Variants in CHODL observed in about 807,000 individuals in gnomAD.
CHODL encodes chondrolectin.
CHODL carries 29 observed loss-of-function variants against 34.5 expected under a neutral mutation model. That is an observed-to-expected ratio of 0.84 (90% CI 0.63 to 1.15). CHODL has a LOEUF of 1.15. Ranked by LOEUF, CHODL falls within the 50% of genes most tolerant of loss-of-function variation. The pLI is 0.00. For synonymous variants in CHODL, 125 were observed against 116.1 expected (o/e 1.08, Z -0.49); for missense variants, 332 against 332.5 (o/e 1.00, Z 0.01).
chr21:18,224,644 G>A lies in CHODL; in HGVS notation c.-44-31865G>A, dbSNP rs917533935. ...TTAGTATAGAGCTTATTCCTCTTGG[G>A]AATGGGAATATGGATTTATGTGTTC... On this transcript the variant is annotated intron_variant, in intron 2 of 6. Coordinates refer to the CHODL transcript ENST00000400127. 2.0e-5 allele frequency among the ~76,000 whole-genome samples: 3 copies of A among 152,166 alleles called. No homozygotes were observed. The South Asian group carries it at 6.2e-4, about 32-fold the overall frequency.
chr21:18,090,286 G>T (rs2065056238), intron 2 of CHODL, among the ~76,000 whole-genome samples: 2 of 152,174 alleles, frequency 1.3e-5, no homozygotes, highest in Non-Finnish European at 2.9e-5. Context: ...TACCTAGAGT[G>T]GATAATATGT....
chr21:18,216,696 A>G (rs891895868), intron 2 of CHODL, among the ~76,000 whole-genome samples: 2 of 152,240 alleles, frequency 1.3e-5, no homozygotes, highest in African/African-American at 4.8e-5. Context: ...TCACAGTTCC[A>G]CATGGCTGGG....
At chr21:18,262,009 A>G (rs1319823267) in intron 4 of CHODL, among the ~76,000 whole-genome samples, 2 of 151,760 alleles carry the variant, frequency 1.3e-5, no homozygotes, top group African/African-American at 2.4e-5. Flanking sequence ...ATATATTTAC[A>G]ATAATCTTAA....
At chr21:18,095,649 T>C (rs776707792) in intron 2 of CHODL, among the ~76,000 whole-genome samples, 2 of 152,166 alleles carry the variant, frequency 1.3e-5, no homozygotes, top group Non-Finnish European at 2.9e-5. Flanking sequence ...TCCAAACTCA[T>C]TCTACAAGGC....
rs377136061 is a variant in CHODL at position 17,938,499 on chromosome 21, A to T, written c.-145+21099A>T. Among the ~76,000 whole-genome samples the T allele has an allele frequency of 2.1e-5, 2 of 95,602 alleles. 1 individual carries two copies. Among genetic ancestry groups the T allele is most frequent in the Non-Finnish European group, 4.0e-5 (2 of 49,598 alleles). The allele number at this position is 95,602 out of a possible 152,430, so 62.7% of individuals were successfully genotyped here. ...TTTTTTTTTTTTTTTTTTTTAAGGA[A>T]AGGGAGTCTCGCTCCATCGCCCAGG... On this transcript the variant is annotated intron_variant, in intron 1 of 6. Transcript: ENST00000400127.
At chr21:18,120,255 C>T (rs2065463779) in intron 2 of CHODL, among the ~76,000 whole-genome samples, 1 of 152,066 alleles carries the variant, frequency 6.6e-6, no homozygotes, top group Admixed American at 6.6e-5. Context: ...AATCATAAAC[C>T]ATGTATGTTA....
intron 5 of CHODL, among the ~76,000 whole-genome samples, chr21:18,264,601 CAAAAAAAAAA>C (rs564344974): frequency 2.9e-5 from 2 of 68,840 alleles, no homozygotes; most frequent in East Asian, 5.8e-4. Flanking sequence ...GGGTCTGTCT[CAAAAAAAAAA>C]AAAAAAAAAA....
chr21:17,924,022 C>T (rs73208392), intron 1 of CHODL, among the ~76,000 whole-genome samples: 8,738 of 152,174 alleles, frequency 0.057, 354 homozygotes, highest in Non-Finnish European at 0.09. Flanking sequence ...TGTTGAGGAA[C>T]GTGAGGGTCT....
rs753281252 is a variant in CHODL at position 18,256,648 on chromosome 21, T to C, written c.219T>C (p.Asn73=). The C allele has an allele frequency of 3.7e-6, 6 of 1,614,082 alleles. No homozygotes were observed. The highest frequency in any genetic ancestry group is 1.6e-4 in the Middle Eastern group (1 of 6,062). ...SEGGVLLSLE[N]EAEQKLIESM... is the part of the protein sequence containing the mutation. ...GAGGAGTCCTCCTCAGCCTTGAGAA[T>C]GAAGCAGAACAGAAGTTAATAGAGA... Residue 73 remains asparagine (N), a synonymous_variant, in exon 2 of 6, where the codon AAT becomes AAC. Coordinates refer to ENST00000299295, the MANE Select transcript of CHODL (RefSeq NM_024944.3).
chr21:18,033,123 G>A (rs2064267320), intron 2 of CHODL, among the ~76,000 whole-genome samples: 2 of 152,016 alleles, frequency 1.3e-5, no homozygotes, highest in Non-Finnish European at 2.9e-5. Flanking sequence ...GGTTAGGGAA[G>A]GCTGAACTGA....
At chr21:18,022,186 A>G (rs944273208) in intron 1 of CHODL, among the ~76,000 whole-genome samples, 81 of 152,310 alleles carry the variant, frequency 5.3e-4, no homozygotes, top group Non-Finnish European at 9.8e-4. Context: ...ATCTAAAATC[A>G]TGGTGTCAGC....
At chr21:18,129,153 AATG>A (rs1180646128) in intron 2 of CHODL, among the ~76,000 whole-genome samples, 10 of 151,848 alleles carry the variant, frequency 6.6e-5, no homozygotes, top group South Asian at 2.1e-4. Flanking sequence ...TAATGATAAA[AATG>A]ATGATGGGTT....
intron 1 of CHODL, among the ~76,000 whole-genome samples, chr21:17,951,828 A>G (rs1021431047): frequency 3.3e-5 from 5 of 152,244 alleles, no homozygotes; most frequent in Admixed American, 6.5e-5. Context: ...CAGAGCCTCA[A>G]TGAGCTGTGG....
chr21:18,143,132 A>G (rs2072822537), intron 2 of CHODL, among the ~76,000 whole-genome samples: 1 of 152,192 alleles, frequency 6.6e-6, no homozygotes, highest in East Asian at 1.9e-4. Flanking sequence ...AGAGGGAAAC[A>G]CTCTGTAAAT....
chr21:18,019,518 A>T (rs1189676322), intron 1 of CHODL, among the ~76,000 whole-genome samples: 1 of 152,152 alleles, frequency 6.6e-6, no homozygotes, highest in African/African-American at 2.4e-5. Context: ...TAAGATGATG[A>T]GTACCTCCAT....
chr21:18,165,758 T>C (rs1284275631), intron 2 of CHODL, among the ~76,000 whole-genome samples: 4 of 152,176 alleles, frequency 2.6e-5, no homozygotes, highest in Non-Finnish European at 5.9e-5. Context: ...GCAGGGTAAA[T>C]AATCTCCACC....
At chr21:18,043,785 T>C (rs2064406287) in intron 2 of CHODL, among the ~76,000 whole-genome samples, 1 of 151,324 alleles carries the variant, frequency 6.6e-6, no homozygotes, top group African/African-American at 2.4e-5. Flanking sequence ...GAAAAAGAGG[T>C]TTAATGGACC....
chr21:18,093,241 A>G (rs2065095928), intron 2 of CHODL, among the ~76,000 whole-genome samples: 1 of 152,220 alleles, frequency 6.6e-6, no homozygotes. Context: ...ATTAAGTGAA[A>G]TATCCTTTAA....
rs557733874 is a variant in CHODL, at chr21:18,227,811, T to A, written c.-44-28698T>A. ...TTGCTTATGGTATAGATAAAATAAA[T>A]CTCTGCAATACTTTGTTGGGAATAT... On this transcript the variant is annotated intron_variant, in intron 2 of 6. Coordinates refer to the CHODL transcript ENST00000400127. Among the ~76,000 whole-genome samples, 26 of 152,200 alleles carry A rather than the reference T, an allele frequency of 1.7e-4. No individual in the cohort carries two copies. In the South Asian group the frequency reaches 3.9e-3, roughly 23 times the overall value.
Sources: allele counts gnomAD v4.1 joint callset (sites outside exome capture counted in the v4.1 genomes callset), GRCh38; gene constraint gnomAD v4.1.1; transcripts MANE v1.5; gene names NCBI Gene and HGNC (gene_info 2026-07-23, HGNC 2026-07-21).